Variants in RIC1 observed in about 807,000 individuals in gnomAD.
RIC1 encodes guanine nucleotide exchange factor subunit RIC1.
A neutral mutation model predicts 169.0 loss-of-function variants in RIC1; 88 were observed. The ratio of observed to expected loss-of-function variants is 0.52; its 90% confidence interval spans 0.44 to 0.62. The LOEUF (loss-of-function observed/expected upper bound fraction) is 0.62, where lower values mean the gene tolerates loss of function less well. RIC1 is among the 20% of genes least tolerant of loss of function. RIC1 has a pLI of 0.00. For missense variants in RIC1, 1,877 were observed against 1,725.5 expected, an observed-to-expected ratio of 1.09 and a Z score of -1.56; for synonymous variants, 790 against 601.5, an observed-to-expected ratio of 1.31 and a Z score of -4.59.
Position 5,672,633 on chromosome 9 carries a change from C to T in RIC1, c.252+15943C>T, listed in dbSNP as rs1030325549. On this transcript the variant is annotated intron_variant, in intron 2 of 25. Transcript: ENST00000414202. Reference sequence around the variant, plus strand: ...GTTATAGAAAGAAAACAAGACAGAACAAGTATTAGTTTAGGAAATAATAGA... The same window carrying T: ...GTTATAGAAAGAAAACAAGACAGAATAAGTATTAGTTTAGGAAATAATAGA... Among the ~76,000 whole-genome samples, 10 of 152,116 alleles carry T rather than the reference C, an allele frequency of 6.6e-5. No homozygotes were observed. The South Asian group carries it at 8.3e-4, about 13-fold the overall frequency.
intron 2 of RIC1, among the ~76,000 whole-genome samples, chr9:5,665,896 T>C (rs1487457659): frequency 6.6e-6 from 1 of 152,146 alleles, no homozygotes; most frequent in African/African-American, 2.4e-5. Flanking sequence ...TTGGGAGATG[T>C]CACCCAGTCA....
chr9:5,734,325 C>G (rs1165002583), intron 7 of RIC1, among the ~76,000 whole-genome samples: 1 of 151,650 alleles, frequency 6.6e-6, no homozygotes, highest in Non-Finnish European at 1.5e-5. Context: ...AGTCTGGTCT[C>G]AAACTCCTGA....
chr9:5,629,560 G>C (rs928787481), intron 1 of RIC1, 107 bp downstream of exon 1: 3 of 1,222,450 alleles, frequency 2.5e-6, no homozygotes, highest in Non-Finnish European at 3.2e-6. Flanking sequence ...CTTCGTGCCA[G>C]ACCCACCTGC....
Position 5,738,544 on chromosome 9 carries a change from T to A in RIC1, c.901+6T>A. 7.7e-7 allele frequency: 1 copy of A among 1,292,824 alleles called. No homozygotes were observed. Among genetic ancestry groups the A allele is most frequent in the Non-Finnish European group, 1.0e-6 (1 of 972,382 alleles). The allele number at this position is 1,292,824 out of a possible 1,614,324, so 80.1% of individuals were successfully genotyped here. A position where few individuals can be genotyped will look rare whatever the true frequency, so the allele number is the denominator to read the frequency against. On this transcript the variant is annotated splice_donor_region_variant and intron_variant, in intron 8 of 25. Coordinates refer to ENST00000414202, the MANE Select transcript of RIC1 (RefSeq NM_020829.4). Reference sequence around the variant, plus strand: ...AACAGCAAAACAGTATCCTGGTGAGTCTTTTTTTTTTTTTTTTTTTTTAAC... The same window carrying A: ...AACAGCAAAACAGTATCCTGGTGAGACTTTTTTTTTTTTTTTTTTTTTAAC...
At chr9:5,645,387 T>A (rs1818454431) in intron 1 of RIC1, among the ~76,000 whole-genome samples, 1 of 152,236 alleles carries the variant, frequency 6.6e-6, no homozygotes, top group African/African-American at 2.4e-5. Flanking sequence ...TTGTAAGAGT[T>A]CTTTATATGT....
chr9:5,730,632 T>C (rs1179594687), intron 6 of RIC1, among the ~76,000 whole-genome samples: 1 of 152,068 alleles, frequency 6.6e-6, no homozygotes, highest in African/African-American at 2.4e-5. Context: ...GAGGATACAG[T>C]GATTGGGAAG....
chr9:5,723,854 A>C (rs1823771226), intron 6 of RIC1, among the ~76,000 whole-genome samples: 1 of 152,228 alleles, frequency 6.6e-6, no homozygotes, highest in African/African-American at 2.4e-5. Flanking sequence ...GGTTTGTCAA[A>C]GATCAGATGG....
intron 23 of RIC1, among the ~76,000 whole-genome samples, chr9:5,771,735 T>A (rs1028610150): frequency 1.3e-5 from 2 of 152,144 alleles, no homozygotes; most frequent in Non-Finnish European, 2.9e-5. Flanking sequence ...GCCATCACTT[T>A]AGAAAACTTT....
chr9:5,734,401 G>A (rs1312304470), intron 7 of RIC1, among the ~76,000 whole-genome samples: 1 of 151,978 alleles, frequency 6.6e-6, no homozygotes, highest in Non-Finnish European at 1.5e-5. Flanking sequence ...ACTGGGCCCG[G>A]CCCAGTTTTA....
chr9:5,767,532 C>G (rs1300698631), intron 21 of RIC1, among the ~76,000 whole-genome samples: 1 of 151,426 alleles, frequency 6.6e-6, no homozygotes, highest in Non-Finnish European at 1.5e-5. Context: ...TTCTTACTAC[C>G]GTGCTTGGGC....
intron 13 of RIC1, 21 bp from the exon 14 acceptor site, chr9:5,753,515 C>A (rs972570327): frequency 3.4e-6 from 5 of 1,449,618 alleles, no homozygotes; most frequent in Middle Eastern, 1.8e-4. Flanking sequence ...AGGAAAAGTT[C>A]TTATTTTTTT....
At chr9:5,730,629 C>T (rs1824314952) in intron 6 of RIC1, among the ~76,000 whole-genome samples, 1 of 152,112 alleles carries the variant, frequency 6.6e-6, no homozygotes, top group African/African-American at 2.4e-5. Flanking sequence ...TGTGAGGATA[C>T]AGTGATTGGG....
At chr9:5,635,403 C>T (rs1003017463) in intron 1 of RIC1, among the ~76,000 whole-genome samples, 9 of 152,094 alleles carry the variant, frequency 5.9e-5, no homozygotes, top group African/African-American at 2.2e-4. Context: ...TGTGGATATC[C>T]AGTTTTTCTA....
intron 3 of RIC1, among the ~76,000 whole-genome samples, chr9:5,699,015 A>C (rs1010492494): frequency 1.3e-5 from 2 of 152,234 alleles, no homozygotes; most frequent in Non-Finnish European, 2.9e-5. Context: ...AAATGTAAGC[A>C]ATAACAGACT....
intron 6 of RIC1, among the ~76,000 whole-genome samples, chr9:5,730,685 G>A (rs1434307687): frequency 6.6e-6 from 1 of 152,058 alleles, no homozygotes; most frequent in African/African-American, 2.4e-5. Context: ...TTCTTGGCCT[G>A]AGTAGCAATT....
At chr9:5,705,913 C>T (rs1409879956) in intron 3 of RIC1, among the ~76,000 whole-genome samples, 2 of 152,130 alleles carry the variant, frequency 1.3e-5, no homozygotes, top group African/African-American at 2.4e-5. Flanking sequence ...TGGGATTTTT[C>T]CCCTTCATTC....
chr9:5,725,511 C>T (rs550133899), intron 6 of RIC1, among the ~76,000 whole-genome samples: 1 of 152,114 alleles, frequency 6.6e-6, no homozygotes, highest in Non-Finnish European at 1.5e-5. Context: ...AAAACCAGCT[C>T]CTGCATTCAT....
chr9:5,638,713 T>G (rs1232207934), intron 1 of RIC1, among the ~76,000 whole-genome samples: 1 of 152,172 alleles, frequency 6.6e-6, no homozygotes, highest in African/African-American at 2.4e-5. Context: ...TTTATTTATT[T>G]TGGTTTTCTC....
At chr9:5,729,283 A>T (rs1359909251) in intron 6 of RIC1, among the ~76,000 whole-genome samples, 3 of 152,062 alleles carry the variant, frequency 2.0e-5, no homozygotes, top group Non-Finnish European at 4.4e-5. Flanking sequence ...TTTCCGTAGG[A>T]GTGGAGGTAG....
Sources: allele counts gnomAD v4.1 joint callset (sites outside exome capture counted in the v4.1 genomes callset), GRCh38; gene constraint gnomAD v4.1.1; transcripts MANE v1.5; gene names NCBI Gene and HGNC (gene_info 2026-07-23, HGNC 2026-07-21).